The following PLCG2 variants were observed in gnomAD, a reference collection of about 807,000 sequenced individuals.
The protein encoded by PLCG2 is phospholipase C gamma 2.
In PLCG2, 69 loss-of-function variants were observed where a neutral mutation model predicts 175.6. The ratio of observed to expected loss-of-function variants is 0.39; its 90% CI spans 0.32 to 0.48. The LOEUF (loss-of-function observed/expected upper bound fraction) is 0.48. Among genes scored for constraint, PLCG2 ranks in the 20% least tolerant of loss-of-function variants. The probability of loss-of-function intolerance (pLI) is 0.91; values close to 1 mark genes in which losing one functional copy is unlikely to be tolerated. For synonymous variants in PLCG2, 827 were observed against 624.0 expected (o/e 1.33, Z -4.85); for missense variants, 1,798 against 1,650.9 (o/e 1.09, Z -1.54).
chr16:81,889,041 G>A (rs1304875074), intron 9 of PLCG2, 131 bp from the exon 10 acceptor site: 9 of 609,272 alleles, frequency 1.5e-5, no homozygotes, highest in Non-Finnish European at 2.7e-5. Flanking sequence ...TCAACATGTG[G>A]TGGTCGATTG....
At chr16:81,868,601 A>T (rs1907361027) in intron 5 of PLCG2, among the ~76,000 whole-genome samples, 1 of 152,202 alleles carries the variant, frequency 6.6e-6, no homozygotes, top group Non-Finnish European at 1.5e-5. Flanking sequence ...CTACATGAAG[A>T]GTGTCATAGT....
intron 2 of PLCG2, among the ~76,000 whole-genome samples, chr16:81,760,396 G>A (rs4479218): frequency 0.38 from 57,157 of 151,876 alleles, 10,975 homozygotes; most frequent in East Asian, 0.62. Context: ...TGTACCCTCT[G>A]ACACCTGCTT....
chr16:81,857,524 G>A (rs868398445), intron 3 of PLCG2, among the ~76,000 whole-genome samples: 46 of 151,202 alleles, frequency 3.0e-4, no homozygotes, highest in Middle Eastern at 3.4e-3. Flanking sequence ...GATGCTGGAT[G>A]GTTGAGTTCT....
intron 26 of PLCG2, 37 bp from the exon 27 acceptor site, chr16:81,936,132 A>G: frequency 6.2e-7 from 1 of 1,609,828 alleles, no homozygotes; most frequent in Non-Finnish European, 8.5e-7. Context: ...CACAGATGAG[A>G]CACAGAAGTA....
chr16:81,802,790 C>T (rs754633574), intron 2 of PLCG2, among the ~76,000 whole-genome samples: 4 of 152,032 alleles, frequency 2.6e-5, no homozygotes, highest in Non-Finnish European at 4.4e-5. Flanking sequence ...AGGCTGGTCT[C>T]GAACTCCTGA....
At chr16:81,923,304 G>T in intron 21 of PLCG2, 181 bp from the exon 22 acceptor site, 1 of 555,846 alleles carries the variant, frequency 1.8e-6, no homozygotes, top group East Asian at 2.9e-5. Flanking sequence ...TCACTCCCTG[G>T]TGGCTTTTTG....
chr16:81,956,154 T>G (rs544618163), intron 31 of PLCG2, among the ~76,000 whole-genome samples: 1 of 152,336 alleles, frequency 6.6e-6, no homozygotes, highest in African/African-American at 2.4e-5. Flanking sequence ...ATCGTGTGAT[T>G]TGTGATCTTT....
chr16:81,747,936 G>C (rs1199293882), intron 1 of PLCG2, among the ~76,000 whole-genome samples: 1 of 151,920 alleles, frequency 6.6e-6, no homozygotes, highest in Non-Finnish European at 1.5e-5. Context: ...GTGCAGTAGC[G>C]TGATCTTGGG....
rs746182532 is a variant in PLCG2, at chr16:81,936,275, C to A, written c.2949C>A (p.Thr983=). 6.2e-7 allele frequency: 1 copy of A among 1,614,166 alleles called. No individual in the cohort carries two copies. Among genetic ancestry groups the A allele is most frequent in the Non-Finnish European group, 8.5e-7 (1 of 1,180,014 alleles). The change falls in exon 27 of 33, where the codon ACC becomes ACA. Residue 983 remains threonine (T), a synonymous_variant. Coordinates refer to ENST00000564138, the MANE Select transcript of PLCG2 (RefSeq NM_002661.5). The part of the protein sequence containing the change: ...DLLKYNQKGL[T]RVYPKGQRVD... ...TGAAGTACAATCAAAAGGGCCTGAC[C>A]CGCGTCTACCCAAAGGGACAAAGAG...
At chr16:81,867,055 G>A (rs984390489) in intron 5 of PLCG2, among the ~76,000 whole-genome samples, 1 of 152,378 alleles carries the variant, frequency 6.6e-6, no homozygotes, top group Non-Finnish European at 1.5e-5. Context: ...CCAGTAAGTG[G>A]GTGGGGAGCA....
At chr16:81,948,065 G>C (rs1911219816) in intron 31 of PLCG2, among the ~76,000 whole-genome samples, 1 of 141,394 alleles carries the variant, frequency 7.1e-6, no homozygotes, top group East Asian at 2.0e-4. Context: ...GGAGAGTCAA[G>C]TCGTTGGCAG....
chr16:81,796,988 C>T (rs544792912), intron 2 of PLCG2, among the ~76,000 whole-genome samples: 9 of 152,298 alleles, frequency 5.9e-5, no homozygotes, highest in Admixed American at 4.6e-4. Flanking sequence ...GCCACTGATA[C>T]TATGGATGGG....
At chr16:81,826,332 A>C (rs1288786858) in intron 2 of PLCG2, among the ~76,000 whole-genome samples, 2 of 152,082 alleles carry the variant, frequency 1.3e-5, no homozygotes, top group Non-Finnish European at 2.9e-5. Context: ...GAAAAGCATC[A>C]AGTATGATCT....
rs760446087 is a variant in PLCG2, at chr16:81,883,274, C to A, written c.698C>A (p.Thr233Asn). 1 of 1,614,134 alleles carries A rather than the reference C, an allele frequency of 6.2e-7. No homozygotes were observed. Among genetic ancestry groups the A allele is most frequent in the Admixed American group, 1.7e-5 (1 of 60,032 alleles). Residue 233 changes from threonine to asparagine, a missense_variant, in exon 9 of 33, where the codon ACT becomes AAT. Transcript: ENST00000564138. ...KDSSVFILGN[T>N]DRPDASAVYL... Reference sequence around the variant, plus strand: ...CCCCCTTTCCCCGAGGATAGGAACACTGACAGGCCGGATGCCTCTGCTGTT... The same window carrying A: ...CCCCCTTTCCCCGAGGATAGGAACAATGACAGGCCGGATGCCTCTGCTGTT...
At chr16:81,778,029 A>AAAAAAAC (rs1555505429), upstream of PLCG2, among the ~76,000 whole-genome samples, 49 of 43,886 alleles carry the variant, frequency 1.1e-3, no homozygotes, top group Non-Finnish European at 1.7e-3. Context: ...AAAAAAAAAA[A>AAAAAAAC]AACAAAAAAA....
At chr16:81,778,044 A>AAAAAAAAAC (rs1910509802), upstream of PLCG2, among the ~76,000 whole-genome samples, 2 of 83,782 alleles carry the variant, frequency 2.4e-5, no homozygotes, top group African/African-American at 5.6e-5. Context: ...AAAAAAAAAC[A>AAAAAAAAAC]AAAAAAAAAA....
chr16:81,846,491 C>A (rs887715727), intron 2 of PLCG2, among the ~76,000 whole-genome samples: 1 of 152,246 alleles, frequency 6.6e-6, no homozygotes, highest in African/African-American at 2.4e-5. Flanking sequence ...CTCTGCCTAA[C>A]ACAGAGTAGG....
intron 31 of PLCG2, among the ~76,000 whole-genome samples, chr16:81,949,780 T>TA (rs922749283): frequency 1.2e-4 from 18 of 151,920 alleles, no homozygotes; most frequent in African/African-American, 4.1e-4. Flanking sequence ...TATACCATGA[T>TA]AAAAAATGAC....
chr16:81,809,832 G>C (rs368609883), intron 2 of PLCG2, among the ~76,000 whole-genome samples: 6 of 103,116 alleles, frequency 5.8e-5, no homozygotes, highest in African/African-American at 1.2e-4. Context: ...TGGCCGGGGC[G>C]GGGGGTGGGG....
Sources: allele counts gnomAD v4.1 joint callset (sites outside exome capture counted in the v4.1 genomes callset), GRCh38; gene constraint gnomAD v4.1.1; transcripts MANE v1.5; gene names NCBI Gene and HGNC (gene_info 2026-07-23, HGNC 2026-07-21).